The following SKIC3 variants were observed in gnomAD, a reference collection of about 807,000 sequenced individuals.
The protein encoded by SKIC3 is SKI3 subunit of superkiller complex.
chr5:95,514,734 C>T, the SKIC3 span: 1 of 941,318 alleles, frequency 1.1e-6, no homozygotes, highest in African/African-American at 1.7e-5. Flanking sequence ...GAGCTAAGCA[C>T]AGTGACTGGC....
chr5:95,523,838 T>C, the SKIC3 span: 1 of 1,612,532 alleles, frequency 6.2e-7, no homozygotes, highest in South Asian at 1.1e-5. Flanking sequence ...TTGCAGCCTT[T>C]GAAATAAATA....
chr5:95,509,488 C>T, the SKIC3 span: 2 of 841,236 alleles, frequency 2.4e-6, no homozygotes, highest in East Asian at 2.7e-5. Flanking sequence ...GCGTGAACAT[C>T]CCCTGGCTTC....
chr5:95,506,516 G>GA, the SKIC3 span, among the ~76,000 whole-genome samples: 1 of 152,182 alleles, frequency 6.6e-6, no homozygotes, highest in East Asian at 1.9e-4. Flanking sequence ...GAAAGATATA[G>GA]AGCTCATTCC....
the SKIC3 span, chr5:95,509,515 G>C: frequency 1.8e-6 from 2 of 1,098,306 alleles, no homozygotes; most frequent in Non-Finnish European, 2.7e-6. Flanking sequence ...TTCTCCCAAC[G>C]CACAGGCCAG....
At chr5:95,505,729 C>A in the SKIC3 span, among the ~76,000 whole-genome samples, 21 of 151,836 alleles carry the variant, frequency 1.4e-4, no homozygotes, top group Non-Finnish European at 2.2e-4. Context: ...AGGAGAATCT[C>A]TTGAACCCCA....
chr5:95,464,430 T>A, the SKIC3 span: 1 of 541,640 alleles, frequency 1.8e-6, no homozygotes, highest in Non-Finnish European at 3.2e-6. Flanking sequence ...CAGATTAAAA[T>A]CAGGTTTGGA....
chr5:95,510,614 A>G, the SKIC3 span, among the ~76,000 whole-genome samples: 2 of 152,194 alleles, frequency 1.3e-5, no homozygotes, highest in African/African-American at 4.8e-5. Context: ...CTGCGCAAGA[A>G]GACAGCTTCA....
chr5:95,483,020 A>C, the SKIC3 span, among the ~76,000 whole-genome samples: 1 of 152,166 alleles, frequency 6.6e-6, no homozygotes, highest in African/African-American at 2.4e-5. Flanking sequence ...TGTAAGAAGA[A>C]AAGAGGCATA....
chr5:95,515,296 C>CAACCAATGAAGTCCT, the SKIC3 span, among the ~76,000 whole-genome samples: 1 of 152,148 alleles, frequency 6.6e-6, no homozygotes, highest in Non-Finnish European at 1.5e-5. Context: ...TAAGAACTCA[C>CAACCAATGAAGTCCT]AACCAATGAA....
the SKIC3 span, among the ~76,000 whole-genome samples, chr5:95,513,877 C>T: frequency 7.2e-5 from 11 of 152,136 alleles, no homozygotes; most frequent in African/African-American, 2.7e-4. Context: ...AAAAGTGATT[C>T]TGATAATCAT....
chr5:95,530,385 C>T, the SKIC3 span, among the ~76,000 whole-genome samples: 1 of 152,146 alleles, frequency 6.6e-6, no homozygotes, highest in Non-Finnish European at 1.5e-5. Flanking sequence ...CCAGCAAATG[C>T]AGAAAATATT....
the SKIC3 span, among the ~76,000 whole-genome samples, chr5:95,534,663 C>A: frequency 6.6e-6 from 1 of 152,166 alleles, no homozygotes; most frequent in Non-Finnish European, 1.5e-5. Flanking sequence ...CAGAGTCCAC[C>A]TTCTTCTCTG....
the SKIC3 span, chr5:95,540,751 C>T: frequency 1.2e-6 from 2 of 1,614,142 alleles, no homozygotes; most frequent in Non-Finnish European, 8.5e-7. Context: ...AGTCAATTTT[C>T]TCCATAGTTG....
the SKIC3 span, among the ~76,000 whole-genome samples, chr5:95,472,338 A>T: frequency 6.6e-6 from 1 of 152,204 alleles, no homozygotes; most frequent in Non-Finnish European, 1.5e-5. Flanking sequence ...ATTCTCTCCC[A>T]GAAACATGGG....
At chr5:95,484,705 T>C in the SKIC3 span, 12 of 1,613,978 alleles carry the variant, frequency 7.4e-6, no homozygotes, top group Non-Finnish European at 1.0e-5. Flanking sequence ...TGAGTTTCAA[T>C]GCACATTCCA....
the SKIC3 span, among the ~76,000 whole-genome samples, chr5:95,508,468 C>G: frequency 1.3e-5 from 2 of 152,184 alleles, no homozygotes; most frequent in African/African-American, 4.8e-5. Context: ...ATGCCAAATC[C>G]ACTCCTCCAC....
the SKIC3 span, chr5:95,482,453 T>C: frequency 6.2e-7 from 1 of 1,612,868 alleles, no homozygotes; most frequent in Non-Finnish European, 8.5e-7. Flanking sequence ...AGGACTCAAG[T>C]AAGAAAGGAG....
the SKIC3 span, among the ~76,000 whole-genome samples, chr5:95,500,722 T>A: frequency 6.6e-6 from 1 of 152,188 alleles, no homozygotes; most frequent in Non-Finnish European, 1.5e-5. Context: ...TGATGTTTTG[T>A]AGATGGCAAT....
the SKIC3 span, among the ~76,000 whole-genome samples, chr5:95,468,391 A>T: frequency 6.6e-6 from 1 of 152,212 alleles, no homozygotes; most frequent in Admixed American, 6.6e-5. Flanking sequence ...AAGTCACTAA[A>T]TAATGCAAGG....
Sources: gnomAD v4.1 joint callset for allele counts (sites outside exome capture counted in the v4.1 genomes callset) on GRCh38, gnomAD v4.1.1 for gene constraint, MANE v1.5 for transcripts, NCBI Gene and HGNC (gene_info 2026-07-23, HGNC 2026-07-21) for gene names.